The following DCLK2 variants were observed in gnomAD, a reference collection of about 807,000 sequenced individuals.
The protein encoded by DCLK2 is doublecortin like kinase 2.
Under a neutral mutation model 78.4 loss-of-function variants are expected in DCLK2, and 31 were observed. That is an observed-to-expected ratio of 0.40 (90% CI 0.30 to 0.53). The LOEUF (loss-of-function observed/expected upper bound fraction) is 0.53. Ranked by LOEUF, DCLK2 falls within the 20% of genes least tolerant of loss-of-function variation. The pLI, the probability that DCLK2 is intolerant of heterozygous loss-of-function variation, is 0.61. For synonymous variants in DCLK2, 407 were observed against 374.9 expected (o/e 1.09, Z -0.99); for missense variants, 872 against 973.7 (o/e 0.90, Z 1.39).
intron 10 of DCLK2, among the ~76,000 whole-genome samples, chr4:150,233,805 C>T (rs1337557365): frequency 6.6e-6 from 1 of 152,140 alleles, no homozygotes. Flanking sequence ...AGCTTCAAGC[C>T]ATATTGAACT....
chr4:150,202,822 A>G (rs781298611), intron 4 of DCLK2, among the ~76,000 whole-genome samples: 3 of 152,190 alleles, frequency 2.0e-5, no homozygotes, highest in Non-Finnish European at 2.9e-5. Context: ...ACATATATCA[A>G]TACTAGATGT....
intron 3 of DCLK2, among the ~76,000 whole-genome samples, chr4:150,197,257 G>C (rs1458487165): frequency 6.6e-6 from 1 of 152,126 alleles, no homozygotes; most frequent in Non-Finnish European, 1.5e-5. Context: ...TCATAAGTTA[G>C]AGTCCCATAC....
intron 8 of DCLK2, among the ~76,000 whole-genome samples, chr4:150,231,884 T>C (rs1742098113): frequency 6.6e-6 from 1 of 152,230 alleles, no homozygotes; most frequent in African/African-American, 2.4e-5. Flanking sequence ...AAACTAAAAA[T>C]GCTTAATGCC....
At chr4:150,083,195 C>T (rs10027751) in intron 1 of DCLK2, among the ~76,000 whole-genome samples, 2,868 of 152,288 alleles carry the variant, frequency 0.019, 73 homozygotes, top group African/African-American at 0.066. Context: ...GTCCAGATAA[C>T]AATCACAGAA....
chr4:150,246,047 CTT>C (rs35501963), intron 12 of DCLK2, among the ~76,000 whole-genome samples: 135 of 143,668 alleles, frequency 9.4e-4, no homozygotes, highest in Admixed American at 1.2e-3. Flanking sequence ...AAACTCTACT[CTT>C]TTTTTTTTTT....
At chr4:150,231,675 G>T (rs1742081214) in intron 8 of DCLK2, among the ~76,000 whole-genome samples, 1 of 152,184 alleles carries the variant, frequency 6.6e-6, no homozygotes, top group African/African-American at 2.4e-5. Context: ...ATAATCAGGT[G>T]GTGTTTTCAG....
chr4:150,239,720 T>C, intron 10 of DCLK2, 22 bp from the exon 11 acceptor site: 1 of 1,609,868 alleles, frequency 6.2e-7, no homozygotes. Flanking sequence ...ATCTTCTGAT[T>C]GTTGGCTGAT....
intron 2 of DCLK2, among the ~76,000 whole-genome samples, chr4:150,173,233 TTCACTCTCCTGCCCG>T (rs761404150): frequency 2.6e-5 from 4 of 152,128 alleles, no homozygotes; most frequent in Non-Finnish European, 5.9e-5. Flanking sequence ...CCTAGTGCCC[TTCACTCTCCTGCCCG>T]TCACTCTGCA....
At chr4:150,243,332 C>T (rs1487593352) in intron 12 of DCLK2, among the ~76,000 whole-genome samples, 1 of 150,920 alleles carries the variant, frequency 6.6e-6, no homozygotes, top group Non-Finnish European at 1.5e-5. Context: ...CAGCGCTTTC[C>T]CTCTTTTATA....
chr4:150,078,945 C>A lies in DCLK2; in HGVS notation c.-83C>A. The stretch of plus-strand genomic sequence containing the variant: ...GGTGTCCCGGCGCGTTAAGGGCCCT[C>A]GCAGTCAGACGTCCCTGCACCGGCG... On this transcript the variant is annotated 5_prime_UTR_variant, in exon 1 of 16. Coordinates refer to ENST00000296550, the MANE Select transcript of DCLK2 (RefSeq NM_001040260.4). 7.1e-7 allele frequency: 1 copy of A among 1,413,790 alleles called. No individual in the cohort carries two copies. Among genetic ancestry groups the A allele is most frequent in the Non-Finnish European group, 9.3e-7 (1 of 1,077,900 alleles). The allele number at this position is 1,413,790 out of a possible 1,614,324, so 87.6% of individuals were successfully genotyped here. A position where few individuals can be genotyped will look rare whatever the true frequency, so the allele number is the denominator to read the frequency against.
chr4:150,224,684 G>C (rs529075453), intron 8 of DCLK2, 126 bp downstream of exon 8: 2 of 662,988 alleles, frequency 3.0e-6, no homozygotes, highest in Non-Finnish European at 4.8e-6. Flanking sequence ...ACCAGTAATA[G>C]TGGGAAAAAC....
chr4:150,218,044 G>A (rs1301609380), intron 5 of DCLK2, among the ~76,000 whole-genome samples: 3 of 151,840 alleles, frequency 2.0e-5, no homozygotes, highest in South Asian at 2.1e-4. Flanking sequence ...GCTGTTGCTC[G>A]CTCTCACTCT....
chr4:150,243,725 CT>C (rs367653353), intron 12 of DCLK2, among the ~76,000 whole-genome samples: 41 of 148,456 alleles, frequency 2.8e-4, no homozygotes, highest in African/African-American at 4.7e-4. Flanking sequence ...TCTTTCTAGT[CT>C]TTTTTTTTTC....
At chr4:150,252,870 C>T (rs895736521) in intron 15 of DCLK2, among the ~76,000 whole-genome samples, 2 of 152,212 alleles carry the variant, frequency 1.3e-5, no homozygotes, top group African/African-American at 2.4e-5. Flanking sequence ...CTGCTGATGT[C>T]ATGATCCCAT....
chr4:150,148,108 C>T (rs1734611663), intron 2 of DCLK2, among the ~76,000 whole-genome samples: 1 of 152,128 alleles, frequency 6.6e-6, no homozygotes, highest in Non-Finnish European at 1.5e-5. Flanking sequence ...TGGTTCACGC[C>T]TGTAATCCTA....
At chr4:150,247,484 C>A (rs184977096) in intron 12 of DCLK2, 119 bp from the exon 13 acceptor site, 3 of 694,612 alleles carry the variant, frequency 4.3e-6, no homozygotes, top group Non-Finnish European at 7.4e-6. Flanking sequence ...AATTGAGATA[C>A]GGAATGCCCA....
chr4:150,148,067 A>G (rs146884772), intron 2 of DCLK2, among the ~76,000 whole-genome samples: 1 of 152,338 alleles, frequency 6.6e-6, no homozygotes, highest in Non-Finnish European at 1.5e-5. Context: ...GATCATTAAA[A>G]TTACATGTAC....
intron 2 of DCLK2, among the ~76,000 whole-genome samples, chr4:150,120,535 A>C (rs1732444674): frequency 1.3e-5 from 2 of 152,196 alleles, no homozygotes; most frequent in Admixed American, 6.5e-5. Context: ...CTTGTTGGAG[A>C]AAAATAGTGC....
chr4:150,185,796 G>A (rs981570613), intron 2 of DCLK2, among the ~76,000 whole-genome samples: 1 of 152,082 alleles, frequency 6.6e-6, no homozygotes, highest in African/African-American at 2.4e-5. Context: ...TACCAAATAG[G>A]GAAAGAAAAA....
Sources: gnomAD v4.1 joint callset for allele counts (sites outside exome capture counted in the v4.1 genomes callset) on GRCh38, gnomAD v4.1.1 for gene constraint, MANE v1.5 for transcripts, NCBI Gene and HGNC (gene_info 2026-07-23, HGNC 2026-07-21) for gene names.